Variants in ZFAND6 observed in about 807,000 individuals in gnomAD.
ZFAND6 encodes the protein zinc finger AN1-type containing 6, also known as AN1-type zinc finger protein 6.
In ZFAND6, 12 loss-of-function variants were observed where a neutral mutation model predicts 24.5. The observed-to-expected ratio is 0.49, with a 90% CI of 0.31 to 0.79. The LOEUF (loss-of-function observed/expected upper bound fraction) is 0.79. Among genes scored for constraint, ZFAND6 ranks in the 30% least tolerant of loss-of-function variants. The pLI, the probability that ZFAND6 is intolerant of heterozygous loss-of-function variation, is 0.04. For synonymous variants in ZFAND6, 92 were observed against 81.5 expected (o/e 1.13, Z -0.69); for missense variants, 207 against 245.9 (o/e 0.84, Z 1.06).
At chr15:80,095,482 C>G (rs1349757084) in intron 1 of ZFAND6, among the ~76,000 whole-genome samples, 1 of 152,170 alleles carries the variant, frequency 6.6e-6, no homozygotes, top group African/African-American at 2.4e-5. Flanking sequence ...CTATTAGACT[C>G]AATATATACC....
intron 5 of ZFAND6, among the ~76,000 whole-genome samples, chr15:80,128,183 T>C (rs3858955): frequency 0.61 from 92,793 of 151,994 alleles, 29,129 homozygotes; most frequent in Admixed American, 0.71. Context: ...AAGTGGGGAG[T>C]AATTGCTAAT....
At chr15:80,067,714 A>C (rs2036726434) in intron 1 of ZFAND6, among the ~76,000 whole-genome samples, 1 of 152,186 alleles carries the variant, frequency 6.6e-6, no homozygotes, top group East Asian at 1.9e-4. Context: ...AGTCTTCTGC[A>C]ATAATAGATA....
chr15:80,133,180 T>TG (rs1006736359), intron 6 of ZFAND6, among the ~76,000 whole-genome samples: 12 of 143,122 alleles, frequency 8.4e-5, no homozygotes, highest in African/African-American at 2.8e-4. Context: ...TGGTGTTTTT[T>TG]TTTGTTTGTT....
At chr15:80,080,439 A>G (rs1390224470) in intron 1 of ZFAND6, among the ~76,000 whole-genome samples, 1 of 152,244 alleles carries the variant, frequency 6.6e-6, no homozygotes, top group Non-Finnish European at 1.5e-5. Flanking sequence ...TCCTATACAT[A>G]AATACCTATG....
chr15:80,083,467 C>T (rs2037803777), intron 1 of ZFAND6, among the ~76,000 whole-genome samples: 1 of 152,154 alleles, frequency 6.6e-6, no homozygotes, highest in Non-Finnish European at 1.5e-5. Flanking sequence ...GAAAAGAGAC[C>T]AGATTATCAT....
At chr15:80,093,679 C>T (rs1355268478) in intron 1 of ZFAND6, among the ~76,000 whole-genome samples, 2 of 152,178 alleles carry the variant, frequency 1.3e-5, no homozygotes, top group Admixed American at 6.5e-5. Context: ...GAGCCGAGAT[C>T]GCGCCATTGC....
chr15:80,073,054 C>T (rs535909600), intron 1 of ZFAND6, among the ~76,000 whole-genome samples: 144 of 151,956 alleles, frequency 9.5e-4, no homozygotes, highest in African/African-American at 3.3e-3. Flanking sequence ...GGCTTAAATA[C>T]GTCTTTTTTA....
intron 2 of ZFAND6, among the ~76,000 whole-genome samples, chr15:80,110,208 A>G (rs1476187139): frequency 6.6e-6 from 1 of 152,196 alleles, no homozygotes; most frequent in Non-Finnish European, 1.5e-5. Context: ...AACACTGATA[A>G]AATGTGGGAA....
At position 80,065,002 on chromosome 15, in the gene ZFAND6, CTTT is replaced by C. The variant is rs371580044; in HGVS notation, c.-181+5211_-181+5213del. Reference sequence around the variant, plus strand: ...TTTCTCTTGCTCTCTCTCTCTCCCCCTTTTTTTTTTTTTTTTTTTTAACAAAAC... The same window carrying C: ...TTTCTCTTGCTCTCTCTCTCTCCCCCTTTTTTTTTTTTTTTTTAACAAAAC... On this transcript the variant is annotated intron_variant, in intron 1 of 6. Coordinates refer to ENST00000261749, the MANE Select transcript of ZFAND6 (RefSeq NM_019006.4). Among the ~76,000 whole-genome samples, 563 of 68,104 alleles carry C rather than the reference CTTT, an allele frequency of 8.3e-3. 7 individuals are homozygous for C. Among genetic ancestry groups the C allele is most frequent in the South Asian group, 0.028 (64 of 2,316 alleles). 44.7% of individuals were successfully genotyped at this position (68,104 alleles called of 152,430 possible).
chr15:80,086,426 G>A (rs2038010302), intron 1 of ZFAND6, among the ~76,000 whole-genome samples: 1 of 152,158 alleles, frequency 6.6e-6, no homozygotes, highest in South Asian at 2.1e-4. Flanking sequence ...AATTTATAAA[G>A]TTATGTTGTT....
rs1224368944 is a variant in ZFAND6 at position 80,137,735 on chromosome 15, A to T, written c.*107A>T. 1 of 1,172,826 alleles carries T rather than the reference A, an allele frequency of 8.5e-7. No individual in the cohort carries two copies. Among genetic ancestry groups the T allele is most frequent in the Non-Finnish European group, 1.1e-6 (1 of 882,772 alleles). 72.7% of individuals were successfully genotyped at this position (1,172,826 alleles called of 1,614,324 possible). A position where few individuals can be genotyped will look rare whatever the true frequency, so the allele number is the denominator to read the frequency against. On this transcript the variant is annotated 3_prime_UTR_variant, in exon 7 of 7. Coordinates refer to ENST00000261749, the MANE Select transcript of ZFAND6 (RefSeq NM_019006.4). Reference sequence around the variant, plus strand: ...TGTAGAGCAGTGTATCTTGCATGTCATCGGAAGAATAGATTTTTGTTTTGG... The same window carrying T: ...TGTAGAGCAGTGTATCTTGCATGTCTTCGGAAGAATAGATTTTTGTTTTGG...
Position 80,062,548 on chromosome 15 carries a change from TGTAA to T in ZFAND6, c.-181+2742_-181+2745del, listed in dbSNP as rs781265198. 6.1e-4 allele frequency among the ~76,000 whole-genome samples: 93 copies of T among 152,354 alleles called. 1 individual carries two copies. The highest frequency in any genetic ancestry group is 1.0e-3 in the Non-Finnish European group (68 of 68,018). ...ATGTGTTTCATGTTTCATTCATGTA[TGTAA>T]GTGTGAATTTACATGTAATTTTGAA... On this transcript the variant is annotated intron_variant, in intron 1 of 6. Coordinates refer to ENST00000261749, the MANE Select transcript of ZFAND6 (RefSeq NM_019006.4).
chr15:80,068,051 T>C (rs1346183029), intron 1 of ZFAND6, among the ~76,000 whole-genome samples: 2 of 149,840 alleles, frequency 1.3e-5, no homozygotes, highest in Non-Finnish European at 3.0e-5. Flanking sequence ...AACCTCTGCC[T>C]CCTGGGTTCA....
intron 6 of ZFAND6, among the ~76,000 whole-genome samples, chr15:80,133,985 TG>T (rs1044911562): frequency 2.7e-5 from 4 of 150,640 alleles, no homozygotes; most frequent in African/African-American, 9.8e-5. Context: ...TTAAAGTTGT[TG>T]GGTTTTTTTT....
At chr15:80,100,322 A>G (rs1355505571) in intron 2 of ZFAND6, among the ~76,000 whole-genome samples, 4 of 152,160 alleles carry the variant, frequency 2.6e-5, no homozygotes, top group African/African-American at 9.7e-5. Context: ...AATAAGGAAA[A>G]TTCAAGGTGA....
chr15:80,074,269 A>C (rs1168018945), intron 1 of ZFAND6, among the ~76,000 whole-genome samples: 1 of 151,926 alleles, frequency 6.6e-6, no homozygotes, highest in Admixed American at 6.6e-5. Flanking sequence ...CACTTAACTG[A>C]GCAATTGTAT....
At chr15:80,120,652 TAG>T (rs2040105804) in intron 3 of ZFAND6, 154 bp downstream of exon 3, 1 of 526,744 alleles carries the variant, frequency 1.9e-6, no homozygotes, top group African/African-American at 2.0e-5. Flanking sequence ...TTATAATCAG[TAG>T]TGAGGAGTTA....
intron 3 of ZFAND6, 41 bp from the exon 4 acceptor site, chr15:80,121,671 A>G: frequency 6.5e-7 from 1 of 1,526,934 alleles, no homozygotes. Flanking sequence ...TAGACTGCTG[A>G]GCATATAGAA....
chr15:80,132,491 GT>G (rs1197783396), intron 6 of ZFAND6, among the ~76,000 whole-genome samples: 6 of 152,162 alleles, frequency 3.9e-5, no homozygotes, highest in Non-Finnish European at 5.9e-5. Context: ...GTGGCAAAAA[GT>G]TACTGTGGTA....
Sources: gnomAD v4.1 joint callset for allele counts (sites outside exome capture counted in the v4.1 genomes callset) on GRCh38, gnomAD v4.1.1 for gene constraint, MANE v1.5 for transcripts, NCBI Gene and HGNC (gene_info 2026-07-23, HGNC 2026-07-21) for gene names.